TMEM135: variants seen among roughly 807,000 people sequenced by gnomAD.
TMEM135 encodes peroxisomal membrane protein 52.
A neutral mutation model predicts 60.3 loss-of-function variants in TMEM135; 30 were observed. That is an observed-to-expected ratio of 0.50 (90% CI 0.37 to 0.68). The LOEUF is 0.68. TMEM135 is among the 30% of genes least tolerant of loss of function. TMEM135 has a pLI of 0.00. For missense variants in TMEM135, 468 were observed against 548.8 expected (o/e 0.85, Z 1.47); for synonymous variants, 190 against 186.7 (o/e 1.02, Z -0.14).
intron 7 of TMEM135, among the ~76,000 whole-genome samples, chr11:87,298,786 C>CTAAAAAAAAAA (rs1942392064): frequency 1.7e-5 from 1 of 57,716 alleles, no homozygotes; most frequent in Non-Finnish European, 3.0e-5. Flanking sequence ...GACTCTGTCT[C>CTAAAAAAAAAA]AAAAAAAAAA....
rs563228034 is a variant in TMEM135, at chr11:87,283,894, G to A, written c.510-11888G>A. Among the ~76,000 whole-genome samples, 36 of 152,138 alleles carry A rather than the reference G, an allele frequency of 2.4e-4. No individual in the cohort carries two copies. The South Asian group carries it at 7.3e-3, about 31-fold the overall frequency. On this transcript the variant is annotated intron_variant, in intron 6 of 14. Coordinates refer to ENST00000305494, the MANE Select transcript of TMEM135 (RefSeq NM_022918.4). The stretch of plus-strand genomic sequence containing the variant: ...AAAGAAAAGAAATTAATGTTGATTC[G>A]AAGATTCTGTTTAATTGAAAACATT...
At chr11:87,316,620 T>A (rs1479965193) in intron 12 of TMEM135, among the ~76,000 whole-genome samples, 1 of 152,010 alleles carries the variant, frequency 6.6e-6, no homozygotes, top group African/African-American at 2.4e-5. Context: ...ATTTGGTGTA[T>A]GTTTAAGAGT....
At chr11:87,086,368 A>G (rs186307614) in intron 3 of TMEM135, among the ~76,000 whole-genome samples, 15 of 152,210 alleles carry the variant, frequency 9.9e-5, no homozygotes, top group African/African-American at 3.1e-4. Flanking sequence ...CAGCACCTCT[A>G]CGTGGCCCGC....
chr11:87,168,361 A>G (rs1351961170), intron 5 of TMEM135, among the ~76,000 whole-genome samples: 1 of 151,442 alleles, frequency 6.6e-6, no homozygotes, highest in East Asian at 1.9e-4. Context: ...TGAATTTGTT[A>G]GCTTTTGCTT....
Position 87,207,725 on chromosome 11 carries a change from TA to T in TMEM135, c.463-28910del, listed in dbSNP as rs565524045. 2.5e-3 allele frequency among the ~76,000 whole-genome samples: 387 copies of T among 152,332 alleles called. 2 individuals carry two copies. Among genetic ancestry groups the T allele is most frequent in the African/African-American group, 9.0e-3 (376 of 41,560 alleles). Reference sequence around the variant, plus strand: ...AGAATACTGCAGACTGTGTGATTTATAAAGAGAAGTTTATACTCCCCTACTG... The same window carrying T: ...AGAATACTGCAGACTGTGTGATTTATAAGAGAAGTTTATACTCCCCTACTG... On this transcript the variant is annotated intron_variant, in intron 5 of 14. Coordinates refer to ENST00000305494, the MANE Select transcript of TMEM135 (RefSeq NM_022918.4).
chr11:87,056,805 A>G (rs138137575), intron 1 of TMEM135, among the ~76,000 whole-genome samples: 18 of 152,292 alleles, frequency 1.2e-4, no homozygotes, highest in African/African-American at 3.9e-4. Flanking sequence ...TATTCACCCA[A>G]TTTGTCACCC....
intron 4 of TMEM135, among the ~76,000 whole-genome samples, chr11:87,113,154 A>G (rs1237186332): frequency 6.6e-6 from 1 of 152,120 alleles, no homozygotes; most frequent in Non-Finnish European, 1.5e-5. Context: ...ATGAAAAGTC[A>G]TGGCCCAACT....
At chr11:87,215,149 A>G (rs1267956730) in intron 5 of TMEM135, among the ~76,000 whole-genome samples, 1 of 152,146 alleles carries the variant, frequency 6.6e-6, no homozygotes, top group South Asian at 2.1e-4. Context: ...ATTATTAACT[A>G]TTACTAATAT....
chr11:87,138,088 C>CTTTTTTTTTT (rs10671410), intron 4 of TMEM135, among the ~76,000 whole-genome samples: 1 of 137,928 alleles, frequency 7.3e-6, no homozygotes. Context: ...AAGTTGATTT[C>CTTTTTTTTTT]TTTTTTTTTT....
At chr11:87,287,291 A>G (rs1190283018) in intron 6 of TMEM135, among the ~76,000 whole-genome samples, 1 of 152,242 alleles carries the variant, frequency 6.6e-6, no homozygotes, top group Non-Finnish European at 1.5e-5. Context: ...GTGAATAAAG[A>G]TATATCATGT....
intron 6 of TMEM135, among the ~76,000 whole-genome samples, chr11:87,294,968 A>G (rs1025578020): frequency 6.6e-6 from 1 of 152,170 alleles, no homozygotes; most frequent in Non-Finnish European, 1.5e-5. Flanking sequence ...AGGAGGATAT[A>G]TAAGAAAAAT....
intron 1 of TMEM135, among the ~76,000 whole-genome samples, chr11:87,066,979 A>G (rs1048536582): frequency 6.6e-6 from 1 of 150,944 alleles, no homozygotes; most frequent in African/African-American, 2.4e-5. Flanking sequence ...ACAAGGTTTC[A>G]CCATGTTGGC....
intron 4 of TMEM135, among the ~76,000 whole-genome samples, chr11:87,142,617 G>T (rs1938294573): frequency 1.3e-5 from 2 of 151,950 alleles, no homozygotes; most frequent in Admixed American, 1.3e-4. Context: ...TCAGAAATTT[G>T]AGTATGATGT....
intron 1 of TMEM135, among the ~76,000 whole-genome samples, chr11:87,055,220 G>T (rs891906209): frequency 6.6e-6 from 1 of 152,122 alleles, no homozygotes; most frequent in African/African-American, 2.4e-5. Context: ...CATATATTAG[G>T]TTTAACATTT....
intron 4 of TMEM135, among the ~76,000 whole-genome samples, chr11:87,118,576 G>C (rs897530192): frequency 3.3e-5 from 5 of 151,946 alleles, no homozygotes; most frequent in Admixed American, 6.6e-5. Context: ...AGCCTCCCAA[G>C]TAGCTGGGAT....
At chr11:87,191,333 T>C (rs524003) in intron 5 of TMEM135, among the ~76,000 whole-genome samples, 19,944 of 151,914 alleles carry the variant, frequency 0.13, 1,367 homozygotes, top group Non-Finnish European at 0.15. Flanking sequence ...CTCCGCCTCC[T>C]GGGTTCACAC....
chr11:87,138,411 T>A lies in TMEM135; in HGVS notation c.397-18930T>A, dbSNP rs545800627. Among the ~76,000 whole-genome samples, 3 of 152,292 alleles carry A rather than the reference T, an allele frequency of 2.0e-5. No homozygotes were observed. The South Asian group carries it at 6.2e-4, about 32-fold the overall frequency. ...CAGCTCCAAATTGATTTCATTAATATGAAAAGCTAATGAATTATTTTTTCA... is the reference window on the plus strand; with the variant it reads ...CAGCTCCAAATTGATTTCATTAATAAGAAAAGCTAATGAATTATTTTTTCA... On this transcript the variant is annotated intron_variant, in intron 4 of 14. Coordinates refer to ENST00000305494, the MANE Select transcript of TMEM135 (RefSeq NM_022918.4).
chr11:87,103,488 T>G (rs939055970), intron 4 of TMEM135, among the ~76,000 whole-genome samples: 28 of 88,452 alleles, frequency 3.2e-4, no homozygotes, highest in Admixed American at 1.2e-3. Context: ...TTTGTTTTTT[T>G]TTTTTGTTTG....
rs116998528 is a variant in TMEM135, at chr11:87,173,455, A to G, written c.462+16049A>G. ...ATGGTTTCAGCTTTCAAAAAGTTTT[A>G]TAGTCTAGTGGCTGAGTCATAACCT... On this transcript the variant is annotated intron_variant, in intron 5 of 14. Transcript: ENST00000305494. 3.7e-3 allele frequency among the ~76,000 whole-genome samples: 567 copies of G among 152,292 alleles called. 5 individuals are homozygous for G. The highest frequency in any genetic ancestry group is 7.5e-3 in the Admixed American group (115 of 15,294).
Sources: allele counts gnomAD v4.1 joint callset (sites outside exome capture counted in the v4.1 genomes callset), GRCh38; gene constraint gnomAD v4.1.1; transcripts MANE v1.5; gene names NCBI Gene and HGNC (gene_info 2026-07-23, HGNC 2026-07-21).